CBFA2T2: variants seen among roughly 807,000 people sequenced by gnomAD.
The protein encoded by CBFA2T2 is CBFA2/RUNX1 partner transcriptional co-repressor 2.
In CBFA2T2, 11 loss-of-function variants were observed where a neutral mutation model predicts 62.2. That is an observed-to-expected ratio of 0.18 (90% CI 0.11 to 0.29). The LOEUF is 0.29. CBFA2T2 is among the 10% of genes least tolerant of loss of function. The pLI, the probability that CBFA2T2 is intolerant of heterozygous loss-of-function variation, is 1.00. For missense variants in CBFA2T2, 592 were observed against 774.1 expected (o/e 0.76, Z 2.79); for synonymous variants, 295 against 287.5 (o/e 1.03, Z -0.27).
At chr20:33,591,386 A>G (rs2014617826) in intron 1 of CBFA2T2, among the ~76,000 whole-genome samples, 1 of 149,770 alleles carries the variant, frequency 6.7e-6, no homozygotes, top group South Asian at 2.1e-4. Context: ...AGACACAAGA[A>G]TTGCTTGAAC....
intron 10 of CBFA2T2, among the ~76,000 whole-genome samples, chr20:33,642,165 G>GT (rs1568875429): frequency 3.8e-5 from 5 of 129,908 alleles, no homozygotes; most frequent in South Asian, 2.5e-4. Context: ...TGTGTGTGTG[G>GT]ATAACAGGGT....
At chr20:33,626,526 G>A (rs147494185) in intron 6 of CBFA2T2, among the ~76,000 whole-genome samples, 210 of 152,304 alleles carry the variant, frequency 1.4e-3, no homozygotes, top group African/African-American at 4.8e-3. Flanking sequence ...AAACAGAAAA[G>A]AAACCTTAAC....
At chr20:33,600,211 T>TG (rs2015073504) in intron 1 of CBFA2T2, 1 of 145,520 alleles carries the variant, frequency 6.9e-6, no homozygotes, top group Non-Finnish European at 1.5e-5. Context: ...TTTTTTTTTT[T>TG]GTGATGGAGT....
intron 1 of CBFA2T2, among the ~76,000 whole-genome samples, chr20:33,559,847 A>G (rs1456301609): frequency 2.0e-5 from 3 of 152,156 alleles, no homozygotes; most frequent in African/African-American, 7.2e-5. Flanking sequence ...GAGCCTCTTC[A>G]CATTAACTCT....
rs1337208940 is a variant in CBFA2T2 at position 33,501,634 on chromosome 20, T to TTC, written c.34+11334_34+11335insCT. On this transcript the variant is annotated intron_variant, in intron 1 of 10. Transcript: ENST00000342704. Reference sequence around the variant, plus strand: ...GAAACTATATTCTTAGCCTTCCTTTTTTTTTTTTTTTTTTTTTTTTTTTTG... The same window carrying TTC: ...GAAACTATATTCTTAGCCTTCCTTTTTCTTTTTTTTTTTTTTTTTTTTTTTTG... Among the ~76,000 whole-genome samples, 254 of 112,672 alleles carry TTC rather than the reference T, an allele frequency of 2.3e-3. 1 individual carries two copies. The highest frequency in any genetic ancestry group is 8.2e-3 in the South Asian group (24 of 2,942). The allele number at this position is 112,672 out of a possible 152,430, so 73.9% of individuals were successfully genotyped here. A position where few individuals can be genotyped will look rare whatever the true frequency, so the allele number is the denominator to read the frequency against.
rs767078320 is a variant in CBFA2T2, at chr20:33,625,028, G to A, written c.946+11G>A. ...GACACCACAGTCTTGGTAAGCAACC[G>A]AAGCAGCATGGTAAATTCAGACTGG... is the stretch of plus-strand genomic sequence containing the variant. On this transcript the variant is annotated intron_variant, in intron 6 of 10. Transcript: ENST00000342704. The A allele has an allele frequency of 1.4e-5, 23 of 1,605,386 alleles. No homozygotes were observed. Among genetic ancestry groups the A allele is most frequent in the Non-Finnish European group, 1.8e-5 (21 of 1,173,246 alleles).
intron 1 of CBFA2T2, among the ~76,000 whole-genome samples, chr20:33,526,968 C>T (rs902590992): frequency 8.5e-5 from 13 of 152,122 alleles, no homozygotes; most frequent in Non-Finnish European, 1.8e-4. Context: ...CTACACCTGT[C>T]GTTATCTGGG....
chr20:33,558,755 C>T (rs189769499), intron 1 of CBFA2T2, among the ~76,000 whole-genome samples: 9 of 151,844 alleles, frequency 5.9e-5, no homozygotes, highest in Admixed American at 2.0e-4. Flanking sequence ...TGATGATATT[C>T]CAGATATATT....
At chr20:33,592,561 A>C (rs2014708280) in intron 1 of CBFA2T2, among the ~76,000 whole-genome samples, 1 of 151,922 alleles carries the variant, frequency 6.6e-6, no homozygotes, top group Non-Finnish European at 1.5e-5. Flanking sequence ...AGTTAGTCCT[A>C]AAAATTCATG....
intron 1 of CBFA2T2, among the ~76,000 whole-genome samples, chr20:33,569,230 G>A (rs1364494775): frequency 1.3e-5 from 2 of 152,148 alleles, no homozygotes; most frequent in Admixed American, 6.6e-5. Context: ...AATCCAGTGG[G>A]CAGTATGTTA....
At chr20:33,643,553 C>T (rs2016927712) in intron 10 of CBFA2T2, among the ~76,000 whole-genome samples, 1 of 150,740 alleles carries the variant, frequency 6.6e-6, no homozygotes, top group Non-Finnish European at 1.5e-5. Context: ...ACCCTGTCTC[C>T]AAAAGAAAAA....
In CBFA2T2 at chr20:33,534,629, T is replaced by A. The variant is rs185759095; in HGVS notation, c.34+44328T>A. On this transcript the variant is annotated intron_variant, in intron 1 of 10. Transcript: ENST00000342704. ...CCCCCAGCCTGTTGAGGTTTTTTTT[T>A]AAATCAGGTATATAATCAGGTATAT... Among the ~76,000 whole-genome samples the A allele has an allele frequency of 7.2e-4, 109 of 152,244 alleles. 2 individuals are homozygous for A. Among genetic ancestry groups the A allele is most frequent in the Admixed American group, 5.2e-3 (79 of 15,294 alleles).
chr20:33,536,302 A>AC (rs1232155875), intron 1 of CBFA2T2, among the ~76,000 whole-genome samples: 86 of 120,538 alleles, frequency 7.1e-4, no homozygotes, highest in Non-Finnish European at 9.6e-4. Flanking sequence ...CGGGGGGCTG[A>AC]CCCCCCCCAC....
intron 10 of CBFA2T2, among the ~76,000 whole-genome samples, chr20:33,642,244 C>A (rs1434413141): frequency 6.6e-6 from 1 of 151,308 alleles, no homozygotes; most frequent in African/African-American, 2.4e-5. Context: ...CTTCTGCCTC[C>A]CTAAGAGCTG....
At chr20:33,562,794 C>T (rs2013138394) in intron 1 of CBFA2T2, 2 of 502,850 alleles carry the variant, frequency 4.0e-6, no homozygotes. Context: ...TACAAGAGTT[C>T]AGCCTTTCTA....
At chr20:33,565,271 G>A (rs1259093107) in intron 1 of CBFA2T2, among the ~76,000 whole-genome samples, 1 of 152,150 alleles carries the variant, frequency 6.6e-6, no homozygotes, top group African/African-American at 2.4e-5. Context: ...AAAATTTGGG[G>A]GCATCTCTTT....
At chr20:33,577,481 T>C (rs931368411) in intron 1 of CBFA2T2, among the ~76,000 whole-genome samples, 1 of 152,164 alleles carries the variant, frequency 6.6e-6, no homozygotes, top group Non-Finnish European at 1.5e-5. Context: ...GGCTCCTACA[T>C]AACAGCTTCT....
At chr20:33,628,313 CCTG>C in intron 6 of CBFA2T2, 34 bp from the exon 7 acceptor site, 1 of 1,439,438 alleles carries the variant, frequency 6.9e-7, no homozygotes, top group Non-Finnish European at 9.8e-7. Context: ...TTGTGTTTTT[CCTG>C]CTATCTTTGA....
Position 33,621,251 on chromosome 20 carries a change from T to C in CBFA2T2, c.510+1645T>C, listed in dbSNP as rs551881801. Among the ~76,000 whole-genome samples, 4 of 151,868 alleles carry C rather than the reference T, an allele frequency of 2.6e-5. No homozygotes were observed. The South Asian group carries it at 6.2e-4, about 24-fold the overall frequency. On this transcript the variant is annotated intron_variant, in intron 4 of 10. Coordinates refer to ENST00000342704, the MANE Select transcript of CBFA2T2 (RefSeq NM_001032999.3). ...TTTATGGAAATTTGTTTTCTCTCTT[T>C]TATGAGTATCTCTATAATACCTTTA...
Sources: allele counts gnomAD v4.1 joint callset (sites outside exome capture counted in the v4.1 genomes callset), GRCh38; gene constraint gnomAD v4.1.1; transcripts MANE v1.5; gene names NCBI Gene and HGNC (gene_info 2026-07-23, HGNC 2026-07-21).